WWOX: variants seen among roughly 807,000 people sequenced by gnomAD.
The protein encoded by WWOX is WW domain containing oxidoreductase, also known as WW domain-containing oxidoreductase.
A neutral mutation model predicts 46.2 loss-of-function variants in WWOX; 69 were observed. The observed-to-expected ratio is 1.49, with a 90% confidence interval of 1.23 to 1.82. The LOEUF (loss-of-function observed/expected upper bound fraction) is 1.82, where lower values mean the gene tolerates loss of function less well. Ranked by LOEUF, WWOX falls within the 40% of genes most tolerant of loss-of-function variation. The pLI, the probability that WWOX is intolerant of heterozygous loss-of-function variation, is 0.00. For missense variants in WWOX, 919 were observed against 542.6 expected (o/e 1.69, Z -6.89); for synonymous variants, 359 against 202.6 (o/e 1.77, Z -6.56).
At chr16:79,041,738 A>T (rs2047975412) in intron 8 of WWOX, among the ~76,000 whole-genome samples, 1 of 152,158 alleles carries the variant, frequency 6.6e-6, no homozygotes, top group Non-Finnish European at 1.5e-5. Flanking sequence ...CTTTCATGGA[A>T]TCCAGGGCTT....
chr16:78,121,775 T>C (rs930512140), intron 4 of WWOX, among the ~76,000 whole-genome samples: 1 of 151,924 alleles, frequency 6.6e-6, no homozygotes, highest in African/African-American at 2.4e-5. Flanking sequence ...GATTCTCATG[T>C]CTCAGCCTCC....
chr16:79,210,095 A>C (rs918709753), intron 8 of WWOX, among the ~76,000 whole-genome samples: 1 of 152,220 alleles, frequency 6.6e-6, no homozygotes, highest in African/African-American at 2.4e-5. Context: ...TCAAGCAGCC[A>C]GTTATTATCA....
intron 8 of WWOX, among the ~76,000 whole-genome samples, chr16:78,970,068 C>T (rs28666503): frequency 0.57 from 86,306 of 151,544 alleles, 24,912 homozygotes; most frequent in Non-Finnish European, 0.62. Flanking sequence ...AGTAGTCTAA[C>T]GCTCAAATTT....
chr16:79,055,623 C>G (rs1436227641), intron 8 of WWOX, among the ~76,000 whole-genome samples: 3 of 152,138 alleles, frequency 2.0e-5, no homozygotes, highest in Non-Finnish European at 4.4e-5. Flanking sequence ...GCAGAATAAA[C>G]AATTGCTATT....
At chr16:78,398,840 C>T (rs1271169330) in intron 6 of WWOX, among the ~76,000 whole-genome samples, 1 of 152,214 alleles carries the variant, frequency 6.6e-6, no homozygotes, top group Non-Finnish European at 1.5e-5. Context: ...AGCGTAGTAC[C>T]TGATACTTAA....
chr16:79,181,592 T>C (rs1409309027), intron 8 of WWOX, among the ~76,000 whole-genome samples: 1 of 152,148 alleles, frequency 6.6e-6, no homozygotes, highest in Non-Finnish European at 1.5e-5. Flanking sequence ...CACTTCATCA[T>C]ATAGTTGTAC....
intron 8 of WWOX, among the ~76,000 whole-genome samples, chr16:78,657,073 G>A (rs542960328): frequency 4.6e-5 from 7 of 152,244 alleles, no homozygotes; most frequent in African/African-American, 1.7e-4. Flanking sequence ...CTAATTGAGT[G>A]GTGCCATCAT....
At chr16:78,904,953 T>C (rs1300086605) in intron 8 of WWOX, among the ~76,000 whole-genome samples, 1 of 152,200 alleles carries the variant, frequency 6.6e-6, no homozygotes, top group African/African-American at 2.4e-5. Flanking sequence ...CCAAATTGTC[T>C]TCCCATCCTT....
chr16:78,925,801 G>C (rs918961104), intron 8 of WWOX, among the ~76,000 whole-genome samples: 1 of 152,194 alleles, frequency 6.6e-6, no homozygotes, highest in Non-Finnish European at 1.5e-5. Flanking sequence ...TAAGAAAGCA[G>C]TGCTCAGAGG....
intron 8 of WWOX, among the ~76,000 whole-genome samples, chr16:78,959,420 G>C (rs1156574441): frequency 2.0e-5 from 3 of 152,196 alleles, no homozygotes; most frequent in Non-Finnish European, 4.4e-5. Flanking sequence ...ATAAACATTT[G>C]AAAAGATAAC....
At chr16:78,128,013 G>C (rs189410980) in intron 4 of WWOX, among the ~76,000 whole-genome samples, 8 of 152,202 alleles carry the variant, frequency 5.3e-5, no homozygotes, top group African/African-American at 1.2e-4. Context: ...AAAACAATGT[G>C]TGAAATGCTG....
At chr16:79,108,220 G>T (rs1031721295) in intron 8 of WWOX, among the ~76,000 whole-genome samples, 3 of 152,188 alleles carry the variant, frequency 2.0e-5, no homozygotes, top group African/African-American at 7.2e-5. Context: ...TCATAATTCT[G>T]GCTTTGACTA....
Position 79,164,933 on chromosome 16 carries a change from A to G in WWOX, c.1057-46675A>G, listed in dbSNP as rs139013683. Among the ~76,000 whole-genome samples, 334 of 152,260 alleles carry G rather than the reference A, an allele frequency of 2.2e-3. 3 individuals are homozygous for G. The highest frequency in any genetic ancestry group is 7.8e-3 in the African/African-American group (322 of 41,542). On this transcript the variant is annotated intron_variant, in intron 8 of 8. Transcript: ENST00000566780. ...GAGAAGAGGCAAAGTGTGCATAAAG[A>G]TACCCTGTTGTTATTCACCCAGTAC...
chr16:78,826,464 C>T (rs369838060), intron 8 of WWOX, among the ~76,000 whole-genome samples: 3 of 152,198 alleles, frequency 2.0e-5, no homozygotes, highest in Non-Finnish European at 4.4e-5. Flanking sequence ...TTGCATCTTT[C>T]GTTTCTGGTG....
At chr16:79,025,401 A>G (rs1287220129) in intron 8 of WWOX, among the ~76,000 whole-genome samples, 1 of 152,234 alleles carries the variant, frequency 6.6e-6, no homozygotes, top group Non-Finnish European at 1.5e-5. Flanking sequence ...TCTCAAAACG[A>G]GGTCATCTTG....
intron 5 of WWOX, among the ~76,000 whole-genome samples, chr16:78,370,054 C>G (rs747682072): frequency 6.0e-5 from 8 of 133,250 alleles, no homozygotes; most frequent in Non-Finnish European, 1.2e-4. Context: ...ATCGCTTCAG[C>G]TTGGGAGCTG....
intron 8 of WWOX, among the ~76,000 whole-genome samples, chr16:79,013,273 A>G (rs1227421193): frequency 1.3e-5 from 2 of 152,124 alleles, no homozygotes; most frequent in Non-Finnish European, 2.9e-5. Flanking sequence ...CTTTAAAAAT[A>G]AAATGCATAC....
chr16:79,132,080 G>T lies in WWOX; in HGVS notation c.1057-79528G>T, dbSNP rs543359829. Among the ~76,000 whole-genome samples the T allele has an allele frequency of 2.0e-5, 3 of 151,538 alleles. No individual in the cohort carries two copies. In the East Asian group the frequency reaches 5.8e-4, roughly 29 times the overall value. On this transcript the variant is annotated intron_variant, in intron 8 of 8. Coordinates refer to ENST00000566780, the MANE Select transcript of WWOX (RefSeq NM_016373.4). ...GGAGATACAAGATGAGATTTGGGTG[G>T]GGACACAGAGTCAAACCGTATCACT...
At chr16:78,888,926 C>T (rs1013754111) in intron 8 of WWOX, among the ~76,000 whole-genome samples, 3 of 151,188 alleles carry the variant, frequency 2.0e-5, no homozygotes, top group Non-Finnish European at 4.4e-5. Context: ...TCAAGCTTCT[C>T]CTTTTTCCCC....
Sources: gnomAD v4.1 joint callset for allele counts (sites outside exome capture counted in the v4.1 genomes callset) on GRCh38, gnomAD v4.1.1 for gene constraint, MANE v1.5 for transcripts, NCBI Gene and HGNC (gene_info 2026-07-23, HGNC 2026-07-21) for gene names.